Variants in ABTB3 observed in about 807,000 individuals in gnomAD.
ABTB3 encodes ankyrin repeat and BTB domain containing 3.
the ABTB3 span, among the ~76,000 whole-genome samples, chr12:107,562,079 T>G: frequency 6.6e-6 from 1 of 152,230 alleles, no homozygotes; most frequent in Non-Finnish European, 1.5e-5. Context: ...TACTGGGACC[T>G]CTGCAGTATC....
chr12:107,320,848 G>A, the ABTB3 span, among the ~76,000 whole-genome samples: 1 of 152,120 alleles, frequency 6.6e-6, no homozygotes, highest in Non-Finnish European at 1.5e-5. Flanking sequence ...GATCTGGGCA[G>A]GATGGAGCTG....
At chr12:107,578,847 C>T in the ABTB3 span, among the ~76,000 whole-genome samples, 1 of 152,164 alleles carries the variant, frequency 6.6e-6, no homozygotes, top group Non-Finnish European at 1.5e-5. Context: ...GTCCACAGGT[C>T]CAGAAACTCA....
chr12:107,589,526 T>G, the ABTB3 span, among the ~76,000 whole-genome samples: 1 of 152,204 alleles, frequency 6.6e-6, no homozygotes, highest in Non-Finnish European at 1.5e-5. Context: ...ATCAAAGTAG[T>G]TGAACATCCA....
chr12:107,459,832 G>C, the ABTB3 span, among the ~76,000 whole-genome samples: 1 of 152,260 alleles, frequency 6.6e-6, no homozygotes, highest in African/African-American at 2.4e-5. Flanking sequence ...TGGGTGGCAG[G>C]GGCCGTGGCC....
At chr12:107,363,736 G>A in the ABTB3 span, among the ~76,000 whole-genome samples, 5 of 152,066 alleles carry the variant, frequency 3.3e-5, no homozygotes, top group African/African-American at 7.2e-5. Flanking sequence ...ATTACATGTC[G>A]TGATAATTTT....
the ABTB3 span, among the ~76,000 whole-genome samples, chr12:107,631,409 C>T: frequency 6.6e-6 from 1 of 152,176 alleles, no homozygotes; most frequent in African/African-American, 2.4e-5. Context: ...CTGCAATGAA[C>T]ATGTGAGTGC....
chr12:107,402,319 G>C, the ABTB3 span, among the ~76,000 whole-genome samples: 1 of 152,178 alleles, frequency 6.6e-6, no homozygotes, highest in Admixed American at 6.5e-5. Flanking sequence ...TCTCATGTGG[G>C]CAAAGGATGG....
chr12:107,637,261 G>A, the ABTB3 span, among the ~76,000 whole-genome samples: 14 of 152,152 alleles, frequency 9.2e-5, no homozygotes, highest in African/African-American at 1.2e-4. Context: ...ACGCAATGGC[G>A]CATGCCTATA....
chr12:107,477,639 G>A, the ABTB3 span, among the ~76,000 whole-genome samples: 1 of 152,084 alleles, frequency 6.6e-6, no homozygotes, highest in Non-Finnish European at 1.5e-5. Flanking sequence ...CTATTGTATT[G>A]ATTTGATTCT....
At chr12:107,348,562 A>G in the ABTB3 span, among the ~76,000 whole-genome samples, 1 of 152,190 alleles carries the variant, frequency 6.6e-6, no homozygotes, top group African/African-American at 2.4e-5. Flanking sequence ...ATCTCTACAA[A>G]GAAAATTAAA....
the ABTB3 span, among the ~76,000 whole-genome samples, chr12:107,361,380 G>A: frequency 6.6e-6 from 1 of 152,044 alleles, no homozygotes; most frequent in East Asian, 1.9e-4. Context: ...GTCGTGATAC[G>A]CTCTTTGACA....
chr12:107,502,241 A>T, the ABTB3 span, among the ~76,000 whole-genome samples: 1 of 150,700 alleles, frequency 6.6e-6, no homozygotes, highest in East Asian at 2.0e-4. Context: ...ATTTTTGTAT[A>T]TTTTTTTTAG....
chr12:107,533,083 A>T, the ABTB3 span, among the ~76,000 whole-genome samples: 1 of 152,238 alleles, frequency 6.6e-6, no homozygotes, highest in South Asian at 2.1e-4. Context: ...AAACACATGA[A>T]TGTATAAAAC....
At chr12:107,641,874 G>C in the ABTB3 span, among the ~76,000 whole-genome samples, 63,860 of 152,122 alleles carry the variant, frequency 0.42, 14,007 homozygotes, top group Middle Eastern at 0.5. Context: ...TGTAATTGTT[G>C]AAAACACTGT....
the ABTB3 span, among the ~76,000 whole-genome samples, chr12:107,352,057 C>T: frequency 2.0e-5 from 3 of 152,160 alleles, no homozygotes; most frequent in African/African-American, 7.2e-5. Context: ...GTATGTGCCC[C>T]AGATATTGGT....
the ABTB3 span, among the ~76,000 whole-genome samples, chr12:107,509,165 C>T: frequency 6.6e-6 from 1 of 152,128 alleles, no homozygotes; most frequent in Non-Finnish European, 1.5e-5. Context: ...GCGGATGTCA[C>T]CCAGGACTCT....
At chr12:107,379,866 T>C in the ABTB3 span, among the ~76,000 whole-genome samples, 4 of 152,228 alleles carry the variant, frequency 2.6e-5, no homozygotes, top group South Asian at 8.3e-4. Flanking sequence ...CCTTGCTCCA[T>C]GTCCTTGGAT....
the ABTB3 span, among the ~76,000 whole-genome samples, chr12:107,505,514 G>A: frequency 2.0e-5 from 3 of 151,908 alleles, no homozygotes; most frequent in African/African-American, 4.8e-5. Flanking sequence ...ATATTGGCTC[G>A]ATTGGTTAGT....
At chr12:107,482,980 CTT>C in the ABTB3 span, among the ~76,000 whole-genome samples, 1 of 24,520 alleles carries the variant, frequency 4.1e-5, no homozygotes, top group Admixed American at 4.8e-4. Context: ...TTCTTTCTTT[CTT>C]TCTTTCCTTC....
Sources: allele counts gnomAD v4.1 joint callset (sites outside exome capture counted in the v4.1 genomes callset), GRCh38; gene constraint gnomAD v4.1.1; transcripts MANE v1.5; gene names NCBI Gene and HGNC (gene_info 2026-07-23, HGNC 2026-07-21).